The following RSRP1 variants were observed in gnomAD, a reference collection of about 807,000 sequenced individuals.
RSRP1 encodes arginine and serine rich protein 1.
In RSRP1, 37 loss-of-function variants were observed where a neutral mutation model predicts 33.0. The ratio of observed to expected loss-of-function variants is 1.12; its 90% CI spans 0.86 to 1.48. The LOEUF (loss-of-function observed/expected upper bound fraction) is 1.48, where lower values mean the gene tolerates loss of function less well. Ranked by LOEUF, RSRP1 falls within the 40% of genes most tolerant of loss-of-function variation. The pLI, the probability that RSRP1 is intolerant of heterozygous loss-of-function variation, is 0.00. For missense variants in RSRP1, 402 were observed against 385.3 expected (o/e 1.04, Z -0.36); for synonymous variants, 167 against 158.7 (o/e 1.05, Z -0.40).
intron 1 of RSRP1, among the ~76,000 whole-genome samples, chr1:25,261,753 C>A (rs925094153): frequency 2.8e-5 from 4 of 142,298 alleles, no homozygotes; most frequent in African/African-American, 1.1e-4. Flanking sequence ...GCTGTGTTGC[C>A]CAGCCTGGAG....
In RSRP1 at chr1:25,280,551, C is replaced by A. The variant is rs1341823094; in HGVS notation, c.-66-33522G>T. On this transcript the variant is annotated intron_variant, in intron 1 of 1. Transcript: ENST00000561867. ...AAACTCCTGACTTCAAGTGATCTGC[C>A]CACCTCAGCCTCCCAAAGTGCTAGG... Among the ~76,000 whole-genome samples, 3 of 127,682 alleles carry A rather than the reference C, an allele frequency of 2.3e-5. 1 individual carries two copies. The highest frequency in any genetic ancestry group is 5.5e-5 in the Non-Finnish European group (3 of 54,234). 83.8% of individuals were successfully genotyped at this position (127,682 alleles called of 152,430 possible).
Position 25,305,374 on chromosome 1 carries a change from A to ATATTTATTTATTTATT in RSRP1, c.-67+32588_-67+32603dup, listed in dbSNP as rs34347122. ...TTCCTGGGCTAGTTGAGGAGTCTGGATATTTATTTATTTATTTATTTATTT... is the reference window on the plus strand; with the variant it reads ...TTCCTGGGCTAGTTGAGGAGTCTGGATATTTATTTATTTATTTATTTATTTATTTATTTATTTATTT... On this transcript the variant is annotated intron_variant, in intron 1 of 1. Transcript: ENST00000561867. Among the ~76,000 whole-genome samples, 39 of 106,798 alleles carry ATATTTATTTATTTATT rather than the reference A, an allele frequency of 3.7e-4. 2 individuals are homozygous for ATATTTATTTATTTATT. Among genetic ancestry groups the ATATTTATTTATTTATT allele is most frequent in the African/African-American group, 1.1e-3 (37 of 32,472 alleles). 70.1% of individuals were successfully genotyped at this position (106,798 alleles called of 152,430 possible). A position where few individuals can be genotyped will look rare whatever the true frequency, so the allele number is the denominator to read the frequency against.
At chr1:25,278,824 A>T (rs1557514698) in intron 1 of RSRP1, among the ~76,000 whole-genome samples, 1 of 129,140 alleles carries the variant, frequency 7.7e-6, no homozygotes, top group Non-Finnish European at 1.8e-5. Context: ...CCTTTGGGAA[A>T]TCTCTGTTTT....
chr1:25,259,756 G>T (rs1192276924), intron 1 of RSRP1, among the ~76,000 whole-genome samples: 1 of 151,774 alleles, frequency 6.6e-6, no homozygotes, highest in Admixed American at 6.6e-5. Flanking sequence ...AGCCTGCCTC[G>T]GCCTCCCAAA....
chr1:25,293,156 G>A (rs1200419979), intron 1 of RSRP1, among the ~76,000 whole-genome samples: 1 of 131,402 alleles, frequency 7.6e-6, no homozygotes, highest in African/African-American at 2.6e-5. Flanking sequence ...GCATGCAGGG[G>A]CAGCTCTGCC....
At position 25,279,107 on chromosome 1, in the gene RSRP1, G is replaced by A. The variant is rs60131381; in HGVS notation, c.-66-32078C>T. Among the ~76,000 whole-genome samples the A allele has an allele frequency of 4.7e-3, 600 of 127,886 alleles. 80 individuals are homozygous for A. The highest frequency in any genetic ancestry group is 0.016 in the African/African-American group (580 of 36,964). The allele number at this position is 127,886 out of a possible 152,430, so 83.9% of individuals were successfully genotyped here. ...GACCGGAGGAGGCAGCTGCCCAAGG[G>A]GATGGACTCAGAAGGCCAAAGTGCT... On this transcript the variant is annotated intron_variant, in intron 1 of 1. Coordinates refer to the RSRP1 transcript ENST00000561867.
chr1:25,263,396 TG>T (rs966287691), intron 1 of RSRP1, among the ~76,000 whole-genome samples: 2 of 151,742 alleles, frequency 1.3e-5, no homozygotes, highest in African/African-American at 4.9e-5. Context: ...TCCACATGGC[TG>T]GGGAGGCCTC....
At chr1:25,246,336 G>A in intron 2 of RSRP1, 108 bp downstream of exon 2, 1 of 1,488,722 alleles carries the variant, frequency 6.7e-7, no homozygotes, top group Non-Finnish European at 9.1e-7. Flanking sequence ...AAGATTTCGG[G>A]CACTAAAGGA....
At chr1:25,309,075 G>A (rs1437761739) in intron 1 of RSRP1, among the ~76,000 whole-genome samples, 1 of 131,706 alleles carries the variant, frequency 7.6e-6, no homozygotes, top group East Asian at 1.9e-4. Context: ...CACTTAATGG[G>A]AACTGTGGAT....
chr1:25,283,501 A>G (rs1291707691), intron 1 of RSRP1, among the ~76,000 whole-genome samples: 1 of 127,366 alleles, frequency 7.9e-6, no homozygotes, highest in African/African-American at 2.9e-5. Context: ...ACTGTACTCC[A>G]GCCTGGGTGA....
chr1:25,290,589 G>A lies in RSRP1; in HGVS notation c.-66-43560C>T, dbSNP rs528494492. 127 of 1,218,880 alleles carry A rather than the reference G, an allele frequency of 1.0e-4. 18 individuals are homozygous for A. The highest frequency in any genetic ancestry group is 9.9e-4 in the East Asian group (44 of 44,290). The allele number at this position is 1,218,880 out of a possible 1,614,324, so 75.5% of individuals were successfully genotyped here. On this transcript the variant is annotated intron_variant, in intron 1 of 1. Coordinates refer to the RSRP1 transcript ENST00000561867. ...AATGAATGAATGAATGAATGAATGA[G>A]TGAGAGGCATCCTTCCTTCTCAGTC...
chr1:25,255,834 T>C (rs1213264878), intron 1 of RSRP1, among the ~76,000 whole-genome samples: 1 of 152,080 alleles, frequency 6.6e-6, no homozygotes, highest in Admixed American at 6.6e-5. Flanking sequence ...CCTGTGGGAA[T>C]CTAATGCTGC....
At chr1:25,318,052 G>A (rs1256567814) in intron 1 of RSRP1, 2 of 131,828 alleles carry the variant, frequency 1.5e-5, no homozygotes, top group Non-Finnish European at 3.6e-5. Context: ...GCTAGGTGCA[G>A]TGGCTCATAC....
intron 1 of RSRP1, among the ~76,000 whole-genome samples, chr1:25,275,482 C>A (rs1365756849): frequency 3.1e-5 from 4 of 130,984 alleles, no homozygotes; most frequent in Admixed American, 1.5e-4. Flanking sequence ...CTTGAGACAC[C>A]AGACCAGCGT....
At chr1:25,262,697 C>T (rs866895353) in intron 1 of RSRP1, among the ~76,000 whole-genome samples, 1 of 152,134 alleles carries the variant, frequency 6.6e-6, no homozygotes. Flanking sequence ...CCAGCGGTGA[C>T]GGAAAGGCTG....
At chr1:25,307,478 G>A (rs1643909582) in intron 1 of RSRP1, among the ~76,000 whole-genome samples, 1 of 132,592 alleles carries the variant, frequency 7.5e-6, no homozygotes, top group African/African-American at 2.6e-5. Flanking sequence ...GTAGCATGAT[G>A]ATAATCATAT....
Position 25,300,941 on chromosome 1 carries a change from T to C in RSRP1, c.-67+37037A>G. On this transcript the variant is annotated intron_variant, in intron 1 of 1. Transcript: ENST00000561867. ...ACTCACTGCTCTTACTGGGTTTTATTGCAGACAGACTACCACATGAACATG... is the reference window on the plus strand; with the variant it reads ...ACTCACTGCTCTTACTGGGTTTTATCGCAGACAGACTACCACATGAACATG... The C allele has an allele frequency of 2.9e-6, 4 of 1,378,052 alleles. 1 individual carries two copies. Among genetic ancestry groups the C allele is most frequent in the Non-Finnish European group, 4.1e-6 (4 of 978,042 alleles). 85.4% of individuals were successfully genotyped at this position (1,378,052 alleles called of 1,614,324 possible). A position where few individuals can be genotyped will look rare whatever the true frequency, so the allele number is the denominator to read the frequency against.
intron 1 of RSRP1, among the ~76,000 whole-genome samples, chr1:25,302,759 A>G (rs2124679458): frequency 7.6e-6 from 1 of 131,362 alleles, no homozygotes; most frequent in Non-Finnish European, 1.8e-5. Flanking sequence ...GCATTTATTC[A>G]TGTTCTATGC....
Position 25,296,264 on chromosome 1 carries a change from A to T in RSRP1, c.-67+41714T>A, listed in dbSNP as rs117391312. 6.5e-3 allele frequency among the ~76,000 whole-genome samples: 818 copies of T among 125,420 alleles called. 128 individuals are homozygous for T. The highest frequency in any genetic ancestry group is 0.053 in the East Asian group (262 of 4,972). 82.3% of individuals were successfully genotyped at this position (125,420 alleles called of 152,430 possible). A position where few individuals can be genotyped will look rare whatever the true frequency, so the allele number is the denominator to read the frequency against. On this transcript the variant is annotated intron_variant, in intron 1 of 1. Coordinates refer to the RSRP1 transcript ENST00000561867. ...ATTTCTTTTTTTTTTTTTCTTTGAG[A>T]CAGAGTCTTGCTCCATCAATCACCC... is the stretch of plus-strand genomic sequence containing the variant.
Sources: allele counts gnomAD v4.1 joint callset (sites outside exome capture counted in the v4.1 genomes callset), GRCh38; gene constraint gnomAD v4.1.1; transcripts MANE v1.5; gene names NCBI Gene and HGNC (gene_info 2026-07-23, HGNC 2026-07-21).